NUS1: variants seen among roughly 807,000 people sequenced by gnomAD.
The protein encoded by NUS1 is dehydrodolichyl diphosphate synthase complex subunit NUS1.
For missense variants in NUS1, 292 were observed against 382.9 expected (o/e 0.76, Z 1.98); for synonymous variants, 135 against 155.2 (o/e 0.87, Z 0.97).
chr6:117,675,598 A>C lies in NUS1; in HGVS notation c.-73A>C. On this transcript the variant is annotated 5_prime_UTR_variant, in exon 1 of 5. Transcript: ENST00000368494. Reference sequence around the variant, plus strand: ...CGGAGCGATGGCCCGCGCCGGCCGCAGGGGCGGATAAAAAGCCGTCGCGCT... The same window carrying C: ...CGGAGCGATGGCCCGCGCCGGCCGCCGGGGCGGATAAAAAGCCGTCGCGCT... 3 of 1,383,018 alleles carry C rather than the reference A, an allele frequency of 2.2e-6. No homozygotes were observed. The highest frequency in any genetic ancestry group is 1.9e-6 in the Non-Finnish European group (2 of 1,034,146). 85.7% of individuals were successfully genotyped at this position (1,383,018 alleles called of 1,614,324 possible).
In NUS1 at chr6:117,675,994, G is replaced by A. The variant is rs769619847; in HGVS notation, c.324G>A (p.Val108=). The change falls in exon 1 of 5, where the codon GTG becomes GTA. Residue 108 remains valine (V), a synonymous_variant. Coordinates refer to ENST00000368494, the MANE Select transcript of NUS1 (RefSeq NM_138459.5). The part of the protein sequence containing the change: ...PVHMGLVITE[V]EQEPSFSDIA... The stretch of plus-strand genomic sequence containing the variant: ...ATATGGGCCTGGTGATCACCGAGGT[G>A]GAGCAGGAACCCAGCTTCTCGGACA... The A allele has an allele frequency of 9.0e-6, 14 of 1,549,532 alleles. No individual in the cohort carries two copies. The highest frequency in any genetic ancestry group is 4.8e-5 in the South Asian group (4 of 83,980).
chr6:117,700,475 A>T (rs563232647), intron 3 of NUS1, among the ~76,000 whole-genome samples: 1 of 152,324 alleles, frequency 6.6e-6, no homozygotes, highest in Admixed American at 6.5e-5. Context: ...TAAACAGGTA[A>T]TAACAAATGC....
intron 4 of NUS1, among the ~76,000 whole-genome samples, chr6:117,705,694 A>AGT (rs1222838132): frequency 6.6e-6 from 1 of 152,174 alleles, no homozygotes; most frequent in Non-Finnish European, 1.5e-5. Context: ...ATTGAGGAGT[A>AGT]GTGGCACTAT....
At chr6:117,700,024 T>A (rs1428807198) in intron 3 of NUS1, among the ~76,000 whole-genome samples, 1 of 152,128 alleles carries the variant, frequency 6.6e-6, no homozygotes, top group Admixed American at 6.5e-5. Flanking sequence ...CATAAAAGAC[T>A]TAAATCTAAG....
At chr6:117,688,587 T>C (rs1773173253) in intron 1 of NUS1, among the ~76,000 whole-genome samples, 2 of 152,180 alleles carry the variant, frequency 1.3e-5, no homozygotes, top group Admixed American at 1.3e-4. Context: ...AAGTAAGTTA[T>C]ACACTTAAAG....
At chr6:117,676,228 C>A (rs1772978551) in intron 1 of NUS1, 143 bp downstream of exon 1, 2 of 1,257,046 alleles carry the variant, frequency 1.6e-6, no homozygotes, top group Non-Finnish European at 1.1e-6. Flanking sequence ...GGGAGATCAG[C>A]TTTATTGAAC....
Position 117,708,632 on chromosome 6 carries a change from C to T in NUS1, c.*1617C>T, listed in dbSNP as rs964403829. The T allele has an allele frequency of 6.7e-5, 10 of 148,834 alleles. No homozygotes were observed. The highest frequency in any genetic ancestry group is 2.2e-4 in the African/African-American group (9 of 40,238). 9.2% of individuals were successfully genotyped at this position (148,834 alleles called of 1,614,324 possible). A position where few individuals can be genotyped will look rare whatever the true frequency, so the allele number is the denominator to read the frequency against. On this transcript the variant is annotated 3_prime_UTR_variant, in exon 5 of 5. Coordinates refer to ENST00000368494, the MANE Select transcript of NUS1 (RefSeq NM_138459.5). Reference sequence around the variant, plus strand: ...ACTTTGCACTGCATAATCCATTATACGTTGTACGACTTTTTTTTTTTGTTT... The same window carrying T: ...ACTTTGCACTGCATAATCCATTATATGTTGTACGACTTTTTTTTTTTGTTT...
At chr6:117,703,876 C>T (rs910631098) in intron 4 of NUS1, among the ~76,000 whole-genome samples, 172 bp downstream of exon 4, 1 of 151,998 alleles carries the variant, frequency 6.6e-6, no homozygotes, top group Non-Finnish European at 1.5e-5. Flanking sequence ...GAGTTAGACA[C>T]AAGAGAGTGT....
At chr6:117,695,399 T>G (rs576754050) in intron 3 of NUS1, among the ~76,000 whole-genome samples, 1 of 152,218 alleles carries the variant, frequency 6.6e-6, no homozygotes, top group Non-Finnish European at 1.5e-5. Flanking sequence ...CCTAATTATA[T>G]TCAGGCTCAG....
intron 1 of NUS1, among the ~76,000 whole-genome samples, chr6:117,691,457 C>T (rs900580267): frequency 2.0e-5 from 3 of 150,800 alleles, no homozygotes; most frequent in Non-Finnish European, 4.4e-5. Flanking sequence ...TTTTATAAAG[C>T]CTTCCTCACC....
intron 3 of NUS1, among the ~76,000 whole-genome samples, chr6:117,698,180 A>G (rs956954774): frequency 6.6e-6 from 1 of 152,062 alleles, no homozygotes; most frequent in African/African-American, 2.4e-5. Context: ...AGTTTAAAAG[A>G]TCAGAGCAGA....
intron 1 of NUS1, among the ~76,000 whole-genome samples, chr6:117,681,211 T>G (rs1773057147): frequency 6.6e-6 from 1 of 152,212 alleles, no homozygotes; most frequent in South Asian, 2.1e-4. Context: ...TCCTCAGAAC[T>G]TCAAACATCT....
intron 1 of NUS1, among the ~76,000 whole-genome samples, chr6:117,692,596 A>T (rs1029365917): frequency 5.9e-5 from 9 of 152,090 alleles, no homozygotes; most frequent in African/African-American, 1.9e-4. Context: ...AACTAATCAA[A>T]TTGAGGCAAG....
intron 3 of NUS1, among the ~76,000 whole-genome samples, chr6:117,699,954 A>G (rs1230252374): frequency 6.6e-6 from 1 of 152,192 alleles, no homozygotes; most frequent in Non-Finnish European, 1.5e-5. Flanking sequence ...GGATATCCGC[A>G]TGGAAAATAA....
rs564287069 is a variant in NUS1, at chr6:117,675,566, G to A, written c.-105G>A. 2.7e-5 allele frequency: 33 copies of A among 1,201,598 alleles called. No homozygotes were observed. The highest frequency in any genetic ancestry group is 2.7e-4 in the African/African-American group (18 of 65,946). The allele number at this position is 1,201,598 out of a possible 1,614,324, so 74.4% of individuals were successfully genotyped here. A position where few individuals can be genotyped will look rare whatever the true frequency, so the allele number is the denominator to read the frequency against. Reference sequence around the variant, plus strand: ...AAAGGGGTTCGGGCTCGGGGGGCGGGGGGACGCGGAGCGATGGCCCGCGCC... The same window carrying A: ...AAAGGGGTTCGGGCTCGGGGGGCGGAGGGACGCGGAGCGATGGCCCGCGCC... On this transcript the variant is annotated 5_prime_UTR_variant, in exon 1 of 5. Transcript: ENST00000368494.
chr6:117,692,675 T>A (rs932946705), intron 1 of NUS1, among the ~76,000 whole-genome samples: 2 of 152,100 alleles, frequency 1.3e-5, no homozygotes, highest in Admixed American at 6.5e-5. Context: ...CATAACAGGC[T>A]CTAGACCACT....
At chr6:117,686,680 A>G (rs1773144389) in intron 1 of NUS1, among the ~76,000 whole-genome samples, 1 of 152,206 alleles carries the variant, frequency 6.6e-6, no homozygotes, top group Non-Finnish European at 1.5e-5. Context: ...TAACTTTTGT[A>G]ATAGTTTCTT....
rs1377827051 is a variant in NUS1, at chr6:117,691,597, A to G, written c.416-1445A>G. 5.4e-5 allele frequency among the ~76,000 whole-genome samples: 8 copies of G among 146,994 alleles called. No individual in the cohort carries two copies. In the East Asian group the frequency reaches 1.6e-3, roughly 29 times the overall value. ...TATATATATATATATAGTTCAAAAT[A>G]TATATTCAAAAGTGATATAATTTTG... is the stretch of plus-strand genomic sequence containing the variant. On this transcript the variant is annotated intron_variant, in intron 1 of 4. Transcript: ENST00000368494.
At chr6:117,704,728 G>A (rs1030858260) in intron 4 of NUS1, among the ~76,000 whole-genome samples, 4 of 152,078 alleles carry the variant, frequency 2.6e-5, no homozygotes, top group Admixed American at 1.3e-4. Context: ...TACTAATTGC[G>A]ATAAAATTAG....
Sources: gnomAD v4.1 joint callset for allele counts (sites outside exome capture counted in the v4.1 genomes callset) on GRCh38, gnomAD v4.1.1 for gene constraint, MANE v1.5 for transcripts, NCBI Gene and HGNC (gene_info 2026-07-23, HGNC 2026-07-21) for gene names.